Variants in ENPP6 observed in about 807,000 individuals in gnomAD.
ENPP6 encodes glycerophosphocholine cholinephosphodiesterase ENPP6.
Under a neutral mutation model 42.0 loss-of-function variants are expected in ENPP6, and 32 were observed. That is an observed-to-expected ratio of 0.76 (90% CI 0.58 to 1.02). ENPP6 has a LOEUF of 1.02. Ranked by LOEUF, ENPP6 falls within the 50% of genes least tolerant of loss-of-function variation. The probability of loss-of-function intolerance (pLI) is 0.00; values close to 1 mark genes in which losing one functional copy is unlikely to be tolerated. For missense variants in ENPP6, 552 were observed against 566.8 expected (o/e 0.97, Z 0.27); for synonymous variants, 213 against 216.0 (o/e 0.99, Z 0.12).
At position 184,097,757 on chromosome 4, in the gene ENPP6, G is replaced by A. The variant is rs144769295; in HGVS notation, c.994-389C>T. Reference sequence around the variant, plus strand: ...CCTAAAACCAGGGGTACAATTTCCTGAGGATAAGAATGTCTTTCGCTTTTC... The same window carrying A: ...CCTAAAACCAGGGGTACAATTTCCTAAGGATAAGAATGTCTTTCGCTTTTC... On this transcript the variant is annotated intron_variant, in intron 6 of 7. Transcript: ENST00000296741. Among the ~76,000 whole-genome samples the A allele has an allele frequency of 3.6e-3, 556 of 152,338 alleles. 2 individuals are homozygous for A. The highest frequency in any genetic ancestry group is 6.6e-3 in the Non-Finnish European group (447 of 68,038).
At chr4:184,111,394 A>G (rs372227724) in intron 6 of ENPP6, among the ~76,000 whole-genome samples, 3 of 152,330 alleles carry the variant, frequency 2.0e-5, no homozygotes, top group Non-Finnish European at 4.4e-5. Context: ...ACAGTGAGAC[A>G]GGTGACTTGC....
intron 2 of ENPP6, among the ~76,000 whole-genome samples, chr4:184,125,928 G>A (rs1428942021): frequency 6.6e-6 from 1 of 152,062 alleles, no homozygotes; most frequent in Admixed American, 6.5e-5. Context: ...AATTGTTATT[G>A]CTCTCTCAAA....
At chr4:184,107,859 G>A (rs1736127331) in intron 6 of ENPP6, among the ~76,000 whole-genome samples, 1 of 151,062 alleles carries the variant, frequency 6.6e-6, no homozygotes, top group African/African-American at 2.4e-5. Flanking sequence ...AGCTTGCTGT[G>A]AGCCGAGATC....
intron 1 of ENPP6, among the ~76,000 whole-genome samples, chr4:184,213,153 C>T (rs1733143170): frequency 6.6e-6 from 1 of 152,010 alleles, no homozygotes; most frequent in Admixed American, 6.6e-5. Flanking sequence ...AAAACCTAGG[C>T]ATTGCCATTC....
At chr4:184,101,582 C>G (rs376919872) in intron 6 of ENPP6, among the ~76,000 whole-genome samples, 1 of 152,038 alleles carries the variant, frequency 6.6e-6, no homozygotes, top group Non-Finnish European at 1.5e-5. Context: ...GTTTTGCTAG[C>G]GAGGTTTTGC....
chr4:184,147,517 A>T (rs1736947116), intron 2 of ENPP6, among the ~76,000 whole-genome samples: 2 of 152,190 alleles, frequency 1.3e-5, no homozygotes, highest in African/African-American at 4.8e-5. Flanking sequence ...CCAGATGCTC[A>T]TGCCTGTAAT....
intron 1 of ENPP6, among the ~76,000 whole-genome samples, chr4:184,169,224 C>T (rs969610780): frequency 3.9e-5 from 6 of 152,180 alleles, no homozygotes; most frequent in African/African-American, 1.4e-4. Flanking sequence ...TGGCATCCAG[C>T]CCTAGCCAGG....
At chr4:184,215,081 C>T (rs902218971) in intron 1 of ENPP6, among the ~76,000 whole-genome samples, 4 of 152,176 alleles carry the variant, frequency 2.6e-5, no homozygotes, top group Admixed American at 2.0e-4. Context: ...GATGCAGCCC[C>T]GGCAGTTCAT....
intron 6 of ENPP6, among the ~76,000 whole-genome samples, chr4:184,101,370 T>A (rs1265060457): frequency 8.2e-6 from 1 of 122,490 alleles, no homozygotes; most frequent in Non-Finnish European, 1.8e-5. Context: ...GGTAGGGAGA[T>A]GGGGAGGAGA....
chr4:184,198,081 G>A (rs1732831732), intron 1 of ENPP6, among the ~76,000 whole-genome samples: 2 of 152,228 alleles, frequency 1.3e-5, no homozygotes, highest in South Asian at 4.1e-4. Context: ...AGAAGCCAGT[G>A]AGATCAAAAC....
intron 3 of ENPP6, among the ~76,000 whole-genome samples, chr4:184,122,406 A>ACCACCACCACCC (rs1736432300): frequency 7.0e-6 from 1 of 142,406 alleles, no homozygotes; most frequent in Non-Finnish European, 1.5e-5. Context: ...ACACTCATAC[A>ACCACCACCACCC]CCACCACCAC....
chr4:184,149,768 G>A (rs916746227), intron 2 of ENPP6, among the ~76,000 whole-genome samples: 8 of 152,142 alleles, frequency 5.3e-5, no homozygotes, highest in African/African-American at 1.7e-4. Context: ...TTTTACAATA[G>A]TCGTAAAAAT....
At chr4:184,112,845 C>G (rs563694602) in intron 5 of ENPP6, 36 bp from the exon 6 acceptor site, 5 of 1,578,308 alleles carry the variant, frequency 3.2e-6, no homozygotes, top group South Asian at 1.2e-5. Flanking sequence ...GTTTGACACT[C>G]TCTTAAATAT....
At chr4:184,099,577 T>C (rs540091425) in intron 6 of ENPP6, among the ~76,000 whole-genome samples, 123 of 152,338 alleles carry the variant, frequency 8.1e-4, no homozygotes, top group African/African-American at 2.9e-3. Flanking sequence ...TTGTGAGGGC[T>C]GAGCCTGCTT....
chr4:184,212,578 C>T (rs566831641), intron 1 of ENPP6, among the ~76,000 whole-genome samples: 16,025 of 147,838 alleles, frequency 0.11, 1,658 homozygotes, highest in African/African-American at 0.26. Context: ...CACTGGTCAA[C>T]GAAATAAAAG....
At chr4:184,093,810 G>A (rs80188473) in intron 7 of ENPP6, among the ~76,000 whole-genome samples, 4,228 of 152,100 alleles carry the variant, frequency 0.028, 159 homozygotes, top group African/African-American at 0.084. Flanking sequence ...AGTGCAGCAC[G>A]AGAATCCAGT....
At chr4:184,156,404 G>A (rs1168040755) in intron 1 of ENPP6, among the ~76,000 whole-genome samples, 3 of 152,204 alleles carry the variant, frequency 2.0e-5, no homozygotes, top group African/African-American at 7.2e-5. Context: ...AAAATTGGTG[G>A]CTGAAAGAAC....
At chr4:184,171,999 C>T (rs1337480883) in intron 1 of ENPP6, among the ~76,000 whole-genome samples, 1 of 152,062 alleles carries the variant, frequency 6.6e-6, no homozygotes, top group Non-Finnish European at 1.5e-5. Flanking sequence ...GGAGGTGCAG[C>T]ATTGGCTAGG....
chr4:184,105,953 A>G (rs922551812), intron 6 of ENPP6, among the ~76,000 whole-genome samples: 6 of 152,074 alleles, frequency 3.9e-5, no homozygotes, highest in Non-Finnish European at 7.4e-5. Flanking sequence ...TATGAATTAC[A>G]TTACCCTGAA....
Sources: gnomAD v4.1 joint callset for allele counts (sites outside exome capture counted in the v4.1 genomes callset) on GRCh38, gnomAD v4.1.1 for gene constraint, MANE v1.5 for transcripts, NCBI Gene and HGNC (gene_info 2026-07-23, HGNC 2026-07-21) for gene names.